Variants in NAV3 observed in about 807,000 individuals in gnomAD.
NAV3 encodes the protein neuron navigator 3.
In NAV3, 87 loss-of-function variants were observed where a neutral mutation model predicts 244.7. The observed-to-expected ratio is 0.36, with a 90% CI of 0.30 to 0.42. NAV3 has a LOEUF of 0.42. Ranked by LOEUF, NAV3 falls within the 20% of genes least tolerant of loss-of-function variation. NAV3 has a pLI of 1.00. For synonymous variants in NAV3, 1,126 were observed against 1,042.2 expected, an observed-to-expected ratio of 1.08 and a Z score of -1.55; for missense variants, 2,663 against 2,893.3, an observed-to-expected ratio of 0.92 and a Z score of 1.83.
chr12:77,913,147 G>A (rs1249864548), intron 1 of NAV3, among the ~76,000 whole-genome samples: 2 of 151,954 alleles, frequency 1.3e-5, no homozygotes, highest in Admixed American at 6.6e-5. Flanking sequence ...ATATGGTTTT[G>A]TGTTACATAT....
In NAV3 at chr12:78,145,117, A is replaced by G. The variant is rs533318099; in HGVS notation, c.4684-1252A>G. 1.1e-3 allele frequency: 301 copies of G among 269,118 alleles called. 3 individuals carry two copies. The highest frequency in any genetic ancestry group is 1.7e-3 in the Non-Finnish European group (231 of 133,216). 16.7% of individuals were successfully genotyped at this position (269,118 alleles called of 1,614,324 possible). A position where few individuals can be genotyped will look rare whatever the true frequency, so the allele number is the denominator to read the frequency against. On this transcript the variant is annotated intron_variant, in intron 20 of 39. Transcript: ENST00000397909. ...AACCAAACTGTGTATAAAACCTTAA[A>G]ATTATTAGGATCTAAAAAATAAAAT...
At chr12:77,627,481 C>A (rs1871688235) in intron 2 of NAV3, among the ~76,000 whole-genome samples, 1 of 152,194 alleles carries the variant, frequency 6.6e-6, no homozygotes, top group Admixed American at 6.5e-5. Flanking sequence ...TTACAGGCAA[C>A]TATACCCTAA....
intron 1 of NAV3, among the ~76,000 whole-genome samples, chr12:77,861,182 A>C (rs1273632708): frequency 6.6e-6 from 1 of 151,812 alleles, no homozygotes; most frequent in East Asian, 1.9e-4. Flanking sequence ...ACATGGTTAT[A>C]ATTGATTAAA....
intron 8 of NAV3, among the ~76,000 whole-genome samples, chr12:78,013,212 T>C (rs906595195): frequency 6.6e-6 from 1 of 152,158 alleles, no homozygotes; most frequent in African/African-American, 2.4e-5. Context: ...ACATCAAGAA[T>C]TGAGTGAAAA....
At chr12:77,779,919 C>T (rs772319480) in intron 2 of NAV3, among the ~76,000 whole-genome samples, 2 of 152,200 alleles carry the variant, frequency 1.3e-5, no homozygotes, top group Non-Finnish European at 2.9e-5. Context: ...AGAAGCAATG[C>T]TTGTGGAAGG....
chr12:78,200,620 T>C, intron 38 of NAV3, 29 bp downstream of exon 38: 1 of 1,304,738 alleles, frequency 7.7e-7, no homozygotes, highest in Non-Finnish European at 1.0e-6. Context: ...ATTGCTATTT[T>C]TTTTTAAAAA....
chr12:78,185,209 T>C (rs1051551028), intron 30 of NAV3, among the ~76,000 whole-genome samples: 3 of 151,858 alleles, frequency 2.0e-5, no homozygotes, highest in Non-Finnish European at 4.4e-5. Flanking sequence ...ATAAATTACA[T>C]GGATATTGAG....
chr12:77,987,916 G>C (rs902563464), intron 5 of NAV3, among the ~76,000 whole-genome samples: 1 of 152,136 alleles, frequency 6.6e-6, no homozygotes, highest in African/African-American at 2.4e-5. Context: ...TTTTGTGGGT[G>C]GTGACAGTGA....
intron 2 of NAV3, among the ~76,000 whole-genome samples, chr12:77,723,549 T>G (rs1032805020): frequency 6.6e-6 from 1 of 151,802 alleles, no homozygotes; most frequent in African/African-American, 2.4e-5. Flanking sequence ...CAAATACATT[T>G]CAAGTTATGA....
At chr12:77,622,984 C>T (rs1293588740) in intron 2 of NAV3, among the ~76,000 whole-genome samples, 1 of 152,050 alleles carries the variant, frequency 6.6e-6, no homozygotes, top group Non-Finnish European at 1.5e-5. Flanking sequence ...GTCAGTAATA[C>T]CTGTAATACA....
At chr12:77,686,447 T>A (rs67467296) in intron 2 of NAV3, among the ~76,000 whole-genome samples, 5,527 of 103,590 alleles carry the variant, frequency 0.053, 216 homozygotes, top group African/African-American at 0.13. Flanking sequence ...TTTTTTTTTT[T>A]AAAAACAGAG....
At chr12:77,753,699 A>C (rs1383830959) in intron 2 of NAV3, among the ~76,000 whole-genome samples, 1 of 152,180 alleles carries the variant, frequency 6.6e-6, no homozygotes, top group African/African-American at 2.4e-5. Flanking sequence ...GTTCCACAGC[A>C]CTGAAATCAT....
At chr12:77,966,171 A>G (rs542810956) in intron 3 of NAV3, 58 bp from the exon 4 acceptor site, 2 of 1,384,168 alleles carry the variant, frequency 1.4e-6, no homozygotes, top group African/African-American at 2.8e-5. Context: ...ATTTTGGCAC[A>G]TGTATTTGTT....
At chr12:77,980,696 A>G (rs966369161) in intron 5 of NAV3, among the ~76,000 whole-genome samples, 1 of 152,204 alleles carries the variant, frequency 6.6e-6, no homozygotes, top group African/African-American at 2.4e-5. Context: ...ACTCCAAACT[A>G]AAAATTGAAA....
At chr12:78,083,818 G>A (rs144468199) in intron 12 of NAV3, among the ~76,000 whole-genome samples, 142 of 152,150 alleles carry the variant, frequency 9.3e-4, no homozygotes, top group African/African-American at 3.2e-3. Context: ...TACTTAACTC[G>A]TCAGAATCCT....
chr12:78,136,872 A>G (rs1956394616), intron 18 of NAV3, among the ~76,000 whole-genome samples: 2 of 152,170 alleles, frequency 1.3e-5, no homozygotes, highest in African/African-American at 4.8e-5. Flanking sequence ...TCTTTTCTTC[A>G]TAACAGGTAG....
intron 2 of NAV3, among the ~76,000 whole-genome samples, chr12:77,726,610 C>G (rs138255991): frequency 1.3e-5 from 2 of 151,950 alleles, no homozygotes; most frequent in East Asian, 3.9e-4. Flanking sequence ...AATGGAGAGT[C>G]AGGCATGGTT....
chr12:77,963,356 G>A (rs1462519093), intron 3 of NAV3, among the ~76,000 whole-genome samples: 3 of 151,970 alleles, frequency 2.0e-5, no homozygotes, highest in Non-Finnish European at 4.4e-5. Flanking sequence ...GTATGCCTCT[G>A]GTGAGAAAGT....
intron 2 of NAV3, among the ~76,000 whole-genome samples, chr12:77,744,442 T>C (rs1222977601): frequency 1.3e-5 from 2 of 151,978 alleles, no homozygotes; most frequent in Non-Finnish European, 2.9e-5. Context: ...TGCTTGGACT[T>C]TGACTACAAA....
Sources: gnomAD v4.1 joint callset for allele counts (sites outside exome capture counted in the v4.1 genomes callset) on GRCh38, gnomAD v4.1.1 for gene constraint, MANE v1.5 for transcripts, NCBI Gene and HGNC (gene_info 2026-07-23, HGNC 2026-07-21) for gene names.